The following DPP10 variants were observed in gnomAD, a reference collection of about 807,000 sequenced individuals.
The protein encoded by DPP10 is inactive dipeptidyl peptidase 10.
Under a neutral mutation model 120.9 loss-of-function variants are expected in DPP10, and 33 were observed. That is an observed-to-expected ratio of 0.27 (90% CI 0.21 to 0.37). The LOEUF is 0.37. DPP10 is among the 10% of genes least tolerant of loss of function. The probability of loss-of-function intolerance (pLI) is 1.00; values close to 1 mark genes in which losing one functional copy is unlikely to be tolerated. For synonymous variants in DPP10, 337 were observed against 326.1 expected (o/e 1.03, Z -0.36); for missense variants, 816 against 942.8 (o/e 0.87, Z 1.76).
intron 1 of DPP10, among the ~76,000 whole-genome samples, chr2:115,027,444 A>T: frequency 6.6e-6 from 1 of 152,262 alleles, no homozygotes; most frequent in East Asian, 1.9e-4. Flanking sequence ...ACAATTTTGC[A>T]TTCTTGGGAT....
intron 1 of DPP10, among the ~76,000 whole-genome samples, chr2:114,538,825 C>A (rs558542498): frequency 1.3e-5 from 2 of 152,268 alleles, no homozygotes; most frequent in South Asian, 2.1e-4. Flanking sequence ...AGTAGGTGCA[C>A]CCGAGAGCAC....
intron 3 of DPP10, among the ~76,000 whole-genome samples, chr2:115,441,305 T>C (rs1412836506): frequency 4.6e-5 from 7 of 152,198 alleles, no homozygotes; most frequent in African/African-American, 1.7e-4. Flanking sequence ...TAACCTAGAC[T>C]TGCAGCTGGA....
chr2:114,755,904 CTA>C (rs1365288542), intron 1 of DPP10, among the ~76,000 whole-genome samples: 1 of 143,984 alleles, frequency 6.9e-6, no homozygotes, highest in Non-Finnish European at 1.5e-5. Context: ...TGAGTATTTT[CTA>C]TGTGTCAGTA....
At chr2:114,763,531 T>A (rs1680457171) in intron 1 of DPP10, among the ~76,000 whole-genome samples, 1 of 152,218 alleles carries the variant, frequency 6.6e-6, no homozygotes, top group South Asian at 2.1e-4. Flanking sequence ...AGTATGTTTC[T>A]GGATGTACAA....
At chr2:115,604,051 G>A (rs1234086256) in intron 5 of DPP10, among the ~76,000 whole-genome samples, 1 of 150,152 alleles carries the variant, frequency 6.7e-6, no homozygotes, top group Non-Finnish European at 1.5e-5. Flanking sequence ...GGGATATGCT[G>A]CAAGCTGAAT....
chr2:114,834,032 C>CACACACCTATGTATATATAAGCCATATCT (rs1482421635), intron 1 of DPP10: 1 of 150,974 alleles, frequency 6.6e-6, no homozygotes, highest in African/African-American at 2.4e-5. Flanking sequence ...TAAACATATA[C>CACACACCTATGTATATATAAGCCATATCT]ACACACCTAT....
chr2:114,486,316 C>T (rs1235494671), intron 1 of DPP10, among the ~76,000 whole-genome samples: 1 of 151,892 alleles, frequency 6.6e-6, no homozygotes, highest in Non-Finnish European at 1.5e-5. Context: ...AATTACATTT[C>T]CTTGTGGCCA....
At chr2:115,530,354 A>G (rs956880276) in intron 5 of DPP10, among the ~76,000 whole-genome samples, 4 of 152,112 alleles carry the variant, frequency 2.6e-5, no homozygotes, top group Non-Finnish European at 5.9e-5. Context: ...CATGTTATGT[A>G]TCATATATAT....
At position 115,336,976 on chromosome 2, in the gene DPP10, G is replaced by A. The variant is rs182038602; in HGVS notation, c.176-6841G>A. 4.2e-3 allele frequency among the ~76,000 whole-genome samples: 640 copies of A among 151,956 alleles called. 4 individuals carry two copies. Among genetic ancestry groups the A allele is most frequent in the African/African-American group, 0.014 (576 of 41,488 alleles). ...AAGATTTCTCTAGGTGATTCTCCCT[G>A]GGTCTGATTCTAACATAAATTAAGT... On this transcript the variant is annotated intron_variant, in intron 2 of 25. Coordinates refer to ENST00000410059, the MANE Select transcript of DPP10 (RefSeq NM_020868.6).
At chr2:114,984,175 T>C (rs1385040506) in intron 1 of DPP10, among the ~76,000 whole-genome samples, 1 of 152,220 alleles carries the variant, frequency 6.6e-6, no homozygotes, top group Non-Finnish European at 1.5e-5. Flanking sequence ...TCCATTATGC[T>C]GCCACAAGTG....
At chr2:115,579,970 TCC>T (rs982751061) in intron 5 of DPP10, 2 of 152,096 alleles carry the variant, frequency 1.3e-5, no homozygotes, top group African/African-American at 4.8e-5. Flanking sequence ...ATGCTCTCCC[TCC>T]CCCACTCCAC....
At chr2:114,508,960 C>A (rs887595775) in intron 1 of DPP10, among the ~76,000 whole-genome samples, 1 of 151,482 alleles carries the variant, frequency 6.6e-6, no homozygotes, top group African/African-American at 2.4e-5. Context: ...CAATTTGAGT[C>A]GAATACCAAG....
At chr2:114,488,674 C>T (rs1418124118) in intron 1 of DPP10, among the ~76,000 whole-genome samples, 1 of 152,130 alleles carries the variant, frequency 6.6e-6, no homozygotes, top group East Asian at 1.9e-4. Flanking sequence ...TATTTTGGCC[C>T]AAGGATCTCA....
intron 17 of DPP10, among the ~76,000 whole-genome samples, chr2:115,786,057 G>A (rs1281561614): frequency 2.0e-5 from 3 of 151,926 alleles, no homozygotes; most frequent in African/African-American, 7.3e-5. Context: ...TATATAATAG[G>A]GGAAGATATT....
At chr2:114,485,554 T>TTTGCACTAGTGTTGTGCACTAGTG (rs72265680) in intron 1 of DPP10, among the ~76,000 whole-genome samples, 2 of 151,144 alleles carry the variant, frequency 1.3e-5, no homozygotes, top group Non-Finnish European at 2.9e-5. Flanking sequence ...TCCATTTTGG[T>TTTGCACTAGTGTTGTGCACTAGTG]TTGCACTAGT....
chr2:114,603,303 A>G (rs1692524669), intron 1 of DPP10, among the ~76,000 whole-genome samples: 1 of 152,086 alleles, frequency 6.6e-6, no homozygotes, highest in South Asian at 2.1e-4. Flanking sequence ...GGAAGTGAGA[A>G]TGATATGATA....
intron 1 of DPP10, among the ~76,000 whole-genome samples, chr2:114,919,609 A>G (rs1441157275): frequency 6.6e-6 from 1 of 152,212 alleles, no homozygotes; most frequent in Non-Finnish European, 1.5e-5. Flanking sequence ...TCAATCTAGT[A>G]GACTTTCTTT....
intron 1 of DPP10, among the ~76,000 whole-genome samples, chr2:114,768,645 A>G (rs1574143510): frequency 6.6e-6 from 1 of 152,240 alleles, no homozygotes; most frequent in East Asian, 1.9e-4. Context: ...TCCTTTTTGC[A>G]GTGTCACATT....
At chr2:114,752,996 T>C (rs1418620252) in intron 1 of DPP10, among the ~76,000 whole-genome samples, 1 of 152,070 alleles carries the variant, frequency 6.6e-6, no homozygotes, top group Non-Finnish European at 1.5e-5. Flanking sequence ...GACCTGCCCA[T>C]GGAAAATGTA....
Sources: gnomAD v4.1 joint callset for allele counts (sites outside exome capture counted in the v4.1 genomes callset) on GRCh38, gnomAD v4.1.1 for gene constraint, MANE v1.5 for transcripts, NCBI Gene and HGNC (gene_info 2026-07-23, HGNC 2026-07-21) for gene names.